MUC22: variants seen among roughly 807,000 people sequenced by gnomAD.
The protein encoded by MUC22 is mucin-22.
MUC22 carries 24 observed loss-of-function variants against 40.3 expected under a neutral mutation model. That is an observed-to-expected ratio of 0.60 (90% CI 0.43 to 0.84). MUC22 has a LOEUF of 0.84. Ranked by LOEUF, MUC22 falls within the 40% of genes least tolerant of loss-of-function variation. The probability of loss-of-function intolerance (pLI) is 0.00; values close to 1 mark genes in which losing one functional copy is unlikely to be tolerated. For synonymous variants in MUC22, 765 were observed against 844.5 expected, an observed-to-expected ratio of 0.91 and a Z score of 1.63; for missense variants, 1,926 against 2,130.7, an observed-to-expected ratio of 0.90 and a Z score of 1.89.
At chr6:31,021,816 T>C (rs1348707810) in intron 1 of MUC22, among the ~76,000 whole-genome samples, 1 of 152,166 alleles carries the variant, frequency 6.6e-6, no homozygotes, top group Non-Finnish European at 1.5e-5. Flanking sequence ...AAAAGCAGGC[T>C]GCCCGAGCCA....
intron 1 of MUC22, among the ~76,000 whole-genome samples, chr6:31,021,837 C>T (rs1013970854): frequency 6.6e-6 from 1 of 152,080 alleles, no homozygotes; most frequent in Non-Finnish European, 1.5e-5. Flanking sequence ...GCAGTGGCAA[C>T]CTGCTTGGGT....
chr6:31,026,407 G>A lies in MUC22; in HGVS notation c.976G>A (p.Glu326Lys), dbSNP rs558027735. 105 of 1,506,998 alleles carry A rather than the reference G, an allele frequency of 7.0e-5. 11 individuals carry two copies. Among genetic ancestry groups the A allele is most frequent in the South Asian group, 1.7e-4 (14 of 82,036 alleles). 93.4% of individuals were successfully genotyped at this position (1,506,998 alleles called of 1,614,324 possible). A position where few individuals can be genotyped will look rare whatever the true frequency, so the allele number is the denominator to read the frequency against. Residue 326 changes from glutamate to lysine, a missense_variant, in exon 2 of 4, where the codon GAG becomes AAG. This residue lies in a region of MUC22 where 1,281 missense variants were observed against 1,337.8 expected (regional missense o/e 0.96). Transcript: ENST00000561890. ...CACCACCACCTCTACGGCAGGATCC[G>A]AGAACACCACAGTCTCTAGTGCAGG...
intron 1 of MUC22, among the ~76,000 whole-genome samples, chr6:31,021,970 A>C (rs35768964): frequency 6.6e-6 from 1 of 151,628 alleles, no homozygotes; most frequent in African/African-American, 2.4e-5. Context: ...CTGCAGCTTC[A>C]CTCCTGAAGC....
At chr6:31,010,389 T>C (rs1231508363), upstream of MUC22, 1 of 318,788 alleles carries the variant, frequency 3.1e-6, no homozygotes, top group Non-Finnish European at 5.8e-6. Flanking sequence ...AGCGCAGAAA[T>C]GCCCCTCCCT....
chr6:31,014,380 A>G (rs1251161120), intron 1 of MUC22, among the ~76,000 whole-genome samples: 1 of 117,936 alleles, frequency 8.5e-6, no homozygotes, highest in Middle Eastern at 4.1e-3. Flanking sequence ...CTGTCCAACC[A>G]GAGCAATCCC....
chr6:31,009,405 C>T (rs1414156254), upstream of MUC22, among the ~76,000 whole-genome samples: 1 of 152,154 alleles, frequency 6.6e-6, no homozygotes, highest in East Asian at 1.9e-4. Context: ...CTCACCTACC[C>T]GCTTTCCAGA....
chr6:31,022,236 A>C (rs932523568), intron 1 of MUC22, among the ~76,000 whole-genome samples: 2 of 152,150 alleles, frequency 1.3e-5, no homozygotes, highest in Non-Finnish European at 2.9e-5. Context: ...AGAACCCACC[A>C]ATTCCAGACA....
chr6:31,008,527 C>G (rs1763656732), upstream of MUC22, among the ~76,000 whole-genome samples: 1 of 151,392 alleles, frequency 6.6e-6, no homozygotes, highest in Non-Finnish European at 1.5e-5. Context: ...CAAAAGAGAC[C>G]TGAAACATTG....
intron 1 of MUC22, among the ~76,000 whole-genome samples, chr6:31,016,345 G>A (rs1040199160): frequency 4.6e-5 from 7 of 152,186 alleles, no homozygotes; most frequent in Non-Finnish European, 1.0e-4. Context: ...ATGATGCCTG[G>A]AAGCTCTGTG....
At chr6:31,025,131 A>G (rs1430081261) in intron 1 of MUC22, among the ~76,000 whole-genome samples, 2 of 152,166 alleles carry the variant, frequency 1.3e-5, no homozygotes, top group African/African-American at 4.8e-5. Flanking sequence ...TACAGGCTTG[A>G]GCCACTGCGC....
chr6:31,020,306 T>C (rs1764577197), intron 1 of MUC22, among the ~76,000 whole-genome samples: 1 of 151,732 alleles, frequency 6.6e-6, no homozygotes, highest in Non-Finnish European at 1.5e-5. Context: ...AGAAGCAACA[T>C]CATTAAAATA....
chr6:31,010,917 T>G, intron 1 of MUC22, 141 bp downstream of exon 1: 1 of 619,780 alleles, frequency 1.6e-6, no homozygotes, highest in Non-Finnish European at 2.8e-6. Flanking sequence ...TTTTGCCCAT[T>G]TCTGCAAAAG....
rs1331182019 is a variant in MUC22 at position 31,027,492 on chromosome 6, A to AG, written c.2062dup (p.Ala688GlyfsTer4). On this transcript the variant is annotated frameshift_variant, in exon 2 of 4. Transcript: ENST00000561890. LOFTEE classifies it high-confidence loss of function. ...CCACCACAGTCTTTGAGACCACTACAGCCTCTACTGAAGGCTCTGAGATCA... is the reference window on the plus strand; with the variant it reads ...CCACCACAGTCTTTGAGACCACTACAGGCCTCTACTGAAGGCTCTGAGATCA... 2.0e-6 allele frequency: 3 copies of AG among 1,531,588 alleles called. No homozygotes were observed. Among genetic ancestry groups the AG allele is most frequent in the African/African-American group, 1.4e-5 (1 of 72,654 alleles). The allele number at this position is 1,531,588 out of a possible 1,614,324, so 94.9% of individuals were successfully genotyped here.
intron 1 of MUC22, among the ~76,000 whole-genome samples, chr6:31,018,784 T>C (rs1764459809): frequency 6.6e-6 from 1 of 152,280 alleles, no homozygotes; most frequent in Non-Finnish European, 1.5e-5. Flanking sequence ...TCAATTCAGT[T>C]AACTGCCATA....
At position 31,025,811 on chromosome 6, in the gene MUC22, C is replaced by T. The variant is rs1034092457; in HGVS notation, c.380C>T (p.Thr127Ile). 5 of 1,532,418 alleles carry T rather than the reference C, an allele frequency of 3.3e-6. No homozygotes were observed. In the East Asian group the frequency reaches 1.2e-4, roughly 38 times the overall value. The allele number at this position is 1,532,418 out of a possible 1,614,324, so 94.9% of individuals were successfully genotyped here. A position where few individuals can be genotyped will look rare whatever the true frequency, so the allele number is the denominator to read the frequency against. Residue 127 changes from threonine (T) to isoleucine (I), a missense_variant, in exon 2 of 4, where the codon ACT (threonine) becomes ATT (isoleucine). Physicochemically the swap from Thr to Ile is moderately conservative, Grantham distance 89. Transcript: ENST00000561890. ...ACAGGCTCCACTGCAGGCTCTGAAA[C>T]TATCGTGGCCTCCACCACAGTCTCT...
chr6:31,027,487 A>G lies in MUC22; in HGVS notation c.2056A>G (p.Thr686Ala), dbSNP rs1765519132. The change falls in exon 2 of 4, where the codon ACT (threonine) becomes GCT (alanine). Residue 686 changes from threonine (T) to alanine (A), a missense_variant. Physicochemically the swap from Thr to Ala is moderately conservative, Grantham distance 58 (BLOSUM62 0). This residue lies in a region of MUC22 where 1,281 missense variants were observed against 1,337.8 expected (regional missense o/e 0.96). Coordinates refer to ENST00000561890, the Ensembl canonical transcript of MUC22. Reference sequence around the variant, plus strand: ...AGTCTCCACCACAGTCTTTGAGACCACTACAGCCTCTACTGAAGGCTCTGA... The same window carrying G: ...AGTCTCCACCACAGTCTTTGAGACCGCTACAGCCTCTACTGAAGGCTCTGA... 7.8e-6 allele frequency: 12 copies of G among 1,531,442 alleles called. 1 individual carries two copies. The highest frequency in any genetic ancestry group is 8.7e-6 in the Non-Finnish European group (10 of 1,144,334). 94.9% of individuals were successfully genotyped at this position (1,531,442 alleles called of 1,614,324 possible).
chr6:31,024,040 T>C (rs1765078117), intron 1 of MUC22, among the ~76,000 whole-genome samples: 1 of 152,200 alleles, frequency 6.6e-6, no homozygotes, highest in Admixed American at 6.5e-5. Flanking sequence ...GTGGTTTTCC[T>C]GGCAAAGATT....
At position 31,027,165 on chromosome 6, in the gene MUC22, C is replaced by T. The variant is rs998738967; in HGVS notation, c.1734C>T (p.Val578=). The T allele has an allele frequency of 6.0e-6, 9 of 1,491,404 alleles. 1 individual carries two copies. In the African/African-American group the frequency reaches 7.0e-5, roughly 12 times the overall value. The allele number at this position is 1,491,404 out of a possible 1,614,324, so 92.4% of individuals were successfully genotyped here. A position where few individuals can be genotyped will look rare whatever the true frequency, so the allele number is the denominator to read the frequency against. ...CTGCAAGCTCTGAGGTGACCACAGTCTTTGCTGCAGGCTCTGAGACAATCA... is the reference window on the plus strand; with the variant it reads ...CTGCAAGCTCTGAGGTGACCACAGTTTTTGCTGCAGGCTCTGAGACAATCA... Residue 578 remains valine (V), a synonymous_variant, in exon 2 of 4, where the codon GTC becomes GTT. Coordinates refer to ENST00000561890, the Ensembl canonical transcript of MUC22.
chr6:31,008,225 A>C (rs1205382003), upstream of MUC22, among the ~76,000 whole-genome samples: 1 of 152,232 alleles, frequency 6.6e-6, no homozygotes, highest in Non-Finnish European at 1.5e-5. Flanking sequence ...GTTTGGCCAA[A>C]TTACTTGACT....
Sources: allele counts gnomAD v4.1 joint callset (sites outside exome capture counted in the v4.1 genomes callset), GRCh38; gene constraint gnomAD v4.1.1; regional missense constraint gnomAD v4.1.1; transcripts MANE v1.5; gene names NCBI Gene and HGNC (gene_info 2026-07-23, HGNC 2026-07-21).